The following CTSO variants were observed in gnomAD, a reference collection of about 807,000 sequenced individuals.
The protein encoded by CTSO is cathepsin O.
In CTSO, 40 loss-of-function variants were observed where a neutral mutation model predicts 42.4. The observed-to-expected ratio is 0.94, with a 90% CI of 0.73 to 1.23. CTSO has a LOEUF of 1.23. Ranked by LOEUF, CTSO falls within the 50% of genes most tolerant of loss-of-function variation. The pLI, the probability that CTSO is intolerant of heterozygous loss-of-function variation, is 0.00. For synonymous variants in CTSO, 156 were observed against 146.2 expected (o/e 1.07, Z -0.48); for missense variants, 441 against 396.0 (o/e 1.11, Z -0.96).
intron 5 of CTSO, among the ~76,000 whole-genome samples, chr4:155,932,074 A>G (rs1023386896): frequency 6.6e-6 from 1 of 152,036 alleles, no homozygotes; most frequent in African/African-American, 2.4e-5. Context: ...TTATTTACAT[A>G]GTCATTCTCA....
At chr4:155,944,276 A>G (rs1743496253) in intron 1 of CTSO, among the ~76,000 whole-genome samples, 3 of 152,196 alleles carry the variant, frequency 2.0e-5, no homozygotes, top group African/African-American at 4.8e-5. Context: ...AGTTGTCATA[A>G]TCTTATTTTT....
At chr4:155,928,496 T>C (rs1560783779) in intron 6 of CTSO, 68 bp from the exon 7 acceptor site, 2 of 1,122,666 alleles carry the variant, frequency 1.8e-6, no homozygotes, top group Non-Finnish European at 2.6e-6. Flanking sequence ...TAAGTTTCTT[T>C]ATTTTAAGTT....
chr4:155,943,399 A>G (rs1303819012), intron 1 of CTSO, 135 bp from the exon 2 acceptor site: 3 of 542,172 alleles, frequency 5.5e-6, no homozygotes, highest in Admixed American at 3.2e-5. Flanking sequence ...GTAAAGTTGT[A>G]TAAGATATCC....
At chr4:155,942,148 C>T (rs1021837179) in intron 3 of CTSO, among the ~76,000 whole-genome samples, 169 bp downstream of exon 3, 1 of 152,178 alleles carries the variant, frequency 6.6e-6, no homozygotes, top group Non-Finnish European at 1.5e-5. Context: ...AGGGCTTTGA[C>T]ATTTGACTCT....
intron 5 of CTSO, among the ~76,000 whole-genome samples, chr4:155,931,882 T>C (rs985100488): frequency 2.0e-5 from 3 of 151,506 alleles, no homozygotes; most frequent in African/African-American, 7.3e-5. Flanking sequence ...ATAATAATAA[T>C]AGTTCAAATA....
intron 6 of CTSO, 93 bp from the exon 7 acceptor site, chr4:155,928,521 G>A: frequency 1.2e-6 from 1 of 843,516 alleles, no homozygotes; most frequent in Non-Finnish European, 1.9e-6. Context: ...TCTTGCTAAG[G>A]ATAGTAGCTC....
At chr4:155,947,024 T>A (rs1343450694) in intron 1 of CTSO, among the ~76,000 whole-genome samples, 2 of 151,992 alleles carry the variant, frequency 1.3e-5, no homozygotes, top group Admixed American at 6.5e-5. Context: ...CCCGGCTAAT[T>A]TTTTTTGTAT....
intron 1 of CTSO, among the ~76,000 whole-genome samples, chr4:155,946,583 C>T (rs1336644140): frequency 6.6e-6 from 1 of 152,118 alleles, no homozygotes; most frequent in Non-Finnish European, 1.5e-5. Context: ...CTGTCTTCCA[C>T]TTGTTCAACC....
chr4:155,951,406 G>A (rs1201873727), intron 1 of CTSO, among the ~76,000 whole-genome samples: 1 of 152,192 alleles, frequency 6.6e-6, no homozygotes, highest in East Asian at 1.9e-4. Context: ...GTTTCTAAAG[G>A]AGTGAAAGTG....
At chr4:155,945,369 A>G (rs1283001550) in intron 1 of CTSO, among the ~76,000 whole-genome samples, 5 of 152,230 alleles carry the variant, frequency 3.3e-5, no homozygotes, top group Non-Finnish European at 4.4e-5. Flanking sequence ...TTCAGGCATT[A>G]GAAGAATAAT....
chr4:155,928,300 TTA>T (rs1358065175), intron 7 of CTSO, 34 bp downstream of exon 7: 1 of 1,404,578 alleles, frequency 7.1e-7, no homozygotes, highest in Non-Finnish European at 1.0e-6. Flanking sequence ...TCCTTAATAT[TTA>T]TATTGAGGTT....
intron 1 of CTSO, among the ~76,000 whole-genome samples, chr4:155,943,974 G>A (rs74673697): frequency 6.6e-6 from 1 of 152,090 alleles, no homozygotes; most frequent in African/African-American, 2.4e-5. Flanking sequence ...CAATTACATA[G>A]AATAAATAAA....
chr4:155,946,538 C>T (rs1035038977), intron 1 of CTSO, among the ~76,000 whole-genome samples: 6 of 152,090 alleles, frequency 3.9e-5, no homozygotes, highest in Admixed American at 6.5e-5. Context: ...TTTATGTCAG[C>T]GGCACTAGTG....
chr4:155,949,227 G>A (rs1743603180), intron 1 of CTSO, among the ~76,000 whole-genome samples: 1 of 152,184 alleles, frequency 6.6e-6, no homozygotes, highest in Non-Finnish European at 1.5e-5. Flanking sequence ...ACAGATACAT[G>A]ATTTGCCTAA....
chr4:155,943,857 G>A (rs1056580517), intron 1 of CTSO, among the ~76,000 whole-genome samples: 8 of 152,132 alleles, frequency 5.3e-5, no homozygotes, highest in African/African-American at 1.9e-4. Flanking sequence ...TCTATCTGGA[G>A]GGGAAATGTG....
intron 5 of CTSO, among the ~76,000 whole-genome samples, chr4:155,933,968 G>A (rs1053450855): frequency 5.9e-5 from 9 of 152,344 alleles, no homozygotes; most frequent in Non-Finnish European, 1.2e-4. Context: ...GAAGCCAGCT[G>A]CAGAAATTTG....
At chr4:155,947,862 T>C (rs1743575850) in intron 1 of CTSO, among the ~76,000 whole-genome samples, 1 of 152,186 alleles carries the variant, frequency 6.6e-6, no homozygotes, top group Non-Finnish European at 1.5e-5. Flanking sequence ...TAAAGTCATA[T>C]AAAATATTAA....
chr4:155,938,971 C>A (rs538436073), intron 4 of CTSO, among the ~76,000 whole-genome samples: 5 of 151,658 alleles, frequency 3.3e-5, no homozygotes, highest in African/African-American at 7.3e-5. Context: ...ACAACAACAA[C>A]AAAAAAGAGC....
chr4:155,934,617 T>C (rs34809972), intron 5 of CTSO, among the ~76,000 whole-genome samples: 55,491 of 152,068 alleles, frequency 0.36, 11,443 homozygotes, highest in East Asian at 0.69. Flanking sequence ...ACATCTTGCA[T>C]CAGCATGACT....
Sources: allele counts gnomAD v4.1 joint callset (sites outside exome capture counted in the v4.1 genomes callset), GRCh38; gene constraint gnomAD v4.1.1; transcripts MANE v1.5; gene names NCBI Gene and HGNC (gene_info 2026-07-23, HGNC 2026-07-21).